Variants in NUDC observed in about 807,000 individuals in gnomAD.
The protein encoded by NUDC is nuclear migration protein nudC.
Under a neutral mutation model 45.0 loss-of-function variants are expected in NUDC, and 14 were observed. The ratio of observed to expected loss-of-function variants is 0.31; its 90% CI spans 0.21 to 0.49. The LOEUF is 0.49. Among genes scored for constraint, NUDC ranks in the 20% least tolerant of loss-of-function variants. The pLI is 0.99. For missense variants in NUDC, 323 were observed against 426.2 expected (o/e 0.76, Z 2.13); for synonymous variants, 153 against 156.7 (o/e 0.98, Z 0.17).
At position 26,924,120 on chromosome 1, in the gene NUDC, G is replaced by A. The variant is rs763838530; in HGVS notation, c.113G>A (p.Arg38His). The change falls in exon 2 of 9, where the codon CGC becomes CAC. Residue 38 changes from arginine to histidine, a missense_variant. Physicochemically the swap from Arg to His is conservative, Grantham distance 29 (BLOSUM62 0). Around this residue, in one of 3 missense-constraint regions of NUDC, gnomAD observed 245 missense variants for 278.8 expected, o/e 0.88. Coordinates refer to ENST00000321265, the MANE Select transcript of NUDC (RefSeq NM_006600.4). ...AACACCTTCTTCAGCTTCCTTCGAC[G>A]CAAAACAGACTTTTTCATTGGAGGA... The part of the protein sequence containing the change: ...LVNTFFSFLR[R>H]KTDFFIGGEE... The A allele has an allele frequency of 5.6e-6, 9 of 1,613,976 alleles. No homozygotes were observed. The highest frequency in any genetic ancestry group is 1.1e-5 in the South Asian group (1 of 91,074).
chr1:26,946,138 A>T lies in NUDC; in HGVS notation c.953A>T (p.Asp318Val), dbSNP rs772642585. The T allele has an allele frequency of 6.2e-7, 1 of 1,613,994 alleles. No homozygotes were observed. The highest frequency in any genetic ancestry group is 8.5e-7 in the Non-Finnish European group (1 of 1,179,958). ...KKQEILKKFM[D>V]QHPEMDFSKA... is the part of the protein sequence containing the mutation. ...TGCTTCCGTTTCTCCAGGTTCATGG[A>T]TCAACATCCGGAGATGGATTTTTCC... is the stretch of plus-strand genomic sequence containing the variant. Residue 318 changes from aspartate to valine, a missense_variant, in exon 9 of 9, where the codon GAT (aspartate) becomes GTT (valine). Physicochemically the swap from Asp to Val is radical, Grantham distance 152 (BLOSUM62 -3). This residue lies in a region of NUDC where 54 missense variants were observed against 100.2 expected (regional missense o/e 0.54). Transcript: ENST00000321265.
chr1:26,925,001 C>G, intron 2 of NUDC, among the ~76,000 whole-genome samples: 1 of 151,692 alleles, frequency 6.6e-6, no homozygotes, highest in East Asian at 2.0e-4. Flanking sequence ...GTGCCTCAGC[C>G]TCCCAAGTAG....
chr1:26,905,867 C>T (rs2082000763), intron 2 of NUDC, among the ~76,000 whole-genome samples: 1 of 152,190 alleles, frequency 6.6e-6, no homozygotes, highest in Non-Finnish European at 1.5e-5. Context: ...TGGATGGAGG[C>T]CGGGCATAGT....
At chr1:26,907,311 G>C (rs2082006713) in intron 2 of NUDC, among the ~76,000 whole-genome samples, 1 of 152,172 alleles carries the variant, frequency 6.6e-6, no homozygotes, top group Admixed American at 6.6e-5. Context: ...CCTGTTGCCT[G>C]TTGTATGTAC....
intron 3 of NUDC, chr1:26,911,702 A>C (rs897938827): frequency 2.3e-4 from 215 of 922,570 alleles, no homozygotes; most frequent in Non-Finnish European, 3.3e-4. Context: ...GGTGTGGCTG[A>C]GTGAAGAGCT....
chr1:26,920,769 CAAA>C (rs1252407257), upstream of NUDC, among the ~76,000 whole-genome samples: 4 of 137,546 alleles, frequency 2.9e-5, no homozygotes, highest in Non-Finnish European at 4.7e-5. Context: ...AAACAAAAAA[CAAA>C]AAACAAAAAA....
intron 3 of NUDC, among the ~76,000 whole-genome samples, chr1:26,912,544 C>A (rs1288570909): frequency 6.6e-6 from 1 of 152,106 alleles, no homozygotes; most frequent in Non-Finnish European, 1.5e-5. Context: ...ACTATTATTA[C>A]AATTAATTAC....
intron 2 of NUDC, chr1:26,911,036 C>G: frequency 4.5e-6 from 2 of 448,420 alleles, no homozygotes; most frequent in Non-Finnish European, 9.2e-6. Context: ...CTTGGTCTGC[C>G]TTGGCCTTCA....
chr1:26,917,056 G>A (rs2082065268), upstream of NUDC, among the ~76,000 whole-genome samples: 1 of 152,090 alleles, frequency 6.6e-6, no homozygotes, highest in East Asian at 1.9e-4. Flanking sequence ...TCAGGAGTTC[G>A]AGACCAGCCT....
chr1:26,924,613 G>A (rs879573295), intron 2 of NUDC, among the ~76,000 whole-genome samples: 1 of 152,178 alleles, frequency 6.6e-6, no homozygotes, highest in Non-Finnish European at 1.5e-5. Flanking sequence ...AAGCGCAGTG[G>A]CGCAATGTCG....
In NUDC at chr1:26,942,867, G is replaced by T; in HGVS notation, c.547-4G>T. ...CCTCTTCTGACTGCCTCTGCCCTATGCAGCTGGCGGTCCCTTTCTGTGTGA... is the reference window on the plus strand; with the variant it reads ...CCTCTTCTGACTGCCTCTGCCCTATTCAGCTGGCGGTCCCTTTCTGTGTGA... On this transcript the variant is annotated splice_polypyrimidine_tract_variant and splice_region_variant and intron_variant, in intron 5 of 8. Coordinates refer to ENST00000321265, the MANE Select transcript of NUDC (RefSeq NM_006600.4). The T allele has an allele frequency of 4.3e-6, 7 of 1,613,776 alleles. No homozygotes were observed. Among genetic ancestry groups the T allele is most frequent in the Non-Finnish European group, 5.9e-6 (7 of 1,180,022 alleles).
At chr1:26,933,474 T>G (rs896579400) in intron 2 of NUDC, among the ~76,000 whole-genome samples, 11 of 151,958 alleles carry the variant, frequency 7.2e-5, no homozygotes, top group African/African-American at 2.4e-4. Flanking sequence ...AGTGCAATGA[T>G]GCAATCTCGG....
At chr1:26,926,657 T>C (rs2124102410) in intron 2 of NUDC, among the ~76,000 whole-genome samples, 1 of 152,206 alleles carries the variant, frequency 6.6e-6, no homozygotes, top group African/African-American at 2.4e-5. Flanking sequence ...TGGAGTGCAA[T>C]GGCACGATCT....
intron 3 of NUDC, chr1:26,911,900 A>G: frequency 6.2e-7 from 1 of 1,614,106 alleles, no homozygotes; most frequent in Middle Eastern, 1.6e-4. Context: ...ATCTCCAATG[A>G]TAGGGCGAAA....
intron 2 of NUDC, among the ~76,000 whole-genome samples, chr1:26,933,949 T>C (rs962575934): frequency 6.6e-6 from 1 of 151,802 alleles, no homozygotes; most frequent in African/African-American, 2.4e-5. Context: ...GGTCAGGAGA[T>C]CAAGAACATC....
At chr1:26,932,000 TA>T (rs1296209647) in intron 2 of NUDC, among the ~76,000 whole-genome samples, 1 of 149,236 alleles carries the variant, frequency 6.7e-6, no homozygotes, top group Non-Finnish European at 1.5e-5. Context: ...TTTTTTTTTT[TA>T]ATTTTTATTT....
intron 2 of NUDC, among the ~76,000 whole-genome samples, chr1:26,925,409 G>T (rs1175355288): frequency 2.3e-4 from 34 of 150,708 alleles, no homozygotes; most frequent in African/African-American, 4.1e-4. Flanking sequence ...GCGAGGTGGC[G>T]GGCGCCTGTA....
At chr1:26,936,134 A>AACATATATATATATATATAT (rs1553163907) in intron 2 of NUDC, among the ~76,000 whole-genome samples, 5 of 6,812 alleles carry the variant, frequency 7.3e-4, no homozygotes, top group Non-Finnish European at 1.4e-3. Context: ...ACGCCCGGCT[A>AACATATATATATATATATAT]ATATATATAT....
chr1:26,941,197 G>A (rs2082273550), intron 2 of NUDC, among the ~76,000 whole-genome samples: 1 of 150,682 alleles, frequency 6.6e-6, no homozygotes, highest in African/African-American at 2.5e-5. Flanking sequence ...CCAAAGTGCT[G>A]GGATTACAGG....
Sources: allele counts gnomAD v4.1 joint callset (sites outside exome capture counted in the v4.1 genomes callset), GRCh38; gene constraint gnomAD v4.1.1; regional missense constraint gnomAD v4.1.1; transcripts MANE v1.5; gene names NCBI Gene and HGNC (gene_info 2026-07-23, HGNC 2026-07-21).